CATSPERB: variants seen among roughly 807,000 people sequenced by gnomAD.
The protein encoded by CATSPERB is catsper channel auxiliary subunit beta.
Under a neutral mutation model 128.3 loss-of-function variants are expected in CATSPERB, and 93 were observed. That is an observed-to-expected ratio of 0.72 (90% CI 0.61 to 0.86). CATSPERB has a LOEUF of 0.86. Among genes scored for constraint, CATSPERB ranks in the 40% least tolerant of loss-of-function variants. The pLI, the probability that CATSPERB is intolerant of heterozygous loss-of-function variation, is 0.00. For missense variants in CATSPERB, 1,153 were observed against 1,329.5 expected (o/e 0.87, Z 2.06); for synonymous variants, 381 against 448.8 (o/e 0.85, Z 1.91).
Position 91,708,190 on chromosome 14 carries a change from A to G in CATSPERB, c.417T>C (p.His139=), listed in dbSNP as rs1895768400. Residue 139 remains histidine, a synonymous_variant, in exon 6 of 27, where the codon CAT becomes CAC. Transcript: ENST00000256343. The part of the protein sequence containing the change: ...EEWLVRITLH[H]GLNIYATEGT... ...CTTCAGTAGCATAAATATTTAGTCC[A>G]TGATGTAAAGTGATTCTTACTAACC... is the stretch of plus-strand genomic sequence containing the variant. 1.2e-6 allele frequency: 2 copies of G among 1,612,196 alleles called. No individual in the cohort carries two copies. Among genetic ancestry groups the G allele is most frequent in the South Asian group, 2.2e-5 (2 of 90,766 alleles).
intron 22 of CATSPERB, among the ~76,000 whole-genome samples, chr14:91,600,171 T>A (rs1256253301): frequency 6.6e-6 from 1 of 152,234 alleles, no homozygotes; most frequent in Non-Finnish European, 1.5e-5. Context: ...TATGTTTAAC[T>A]TTTTGAAGAA....
In CATSPERB at chr14:91,704,542, G is replaced by A; in HGVS notation, c.616+10C>T. 6.2e-7 allele frequency: 1 copy of A among 1,607,544 alleles called. No homozygotes were observed. Among genetic ancestry groups the A allele is most frequent in the Non-Finnish European group, 8.5e-7 (1 of 1,177,510 alleles). On this transcript the variant is annotated intron_variant, in intron 7 of 26. Coordinates refer to ENST00000256343, the MANE Select transcript of CATSPERB (RefSeq NM_024764.4). ...GCCAATGTCAACATTTAATGAAGCT[G>A]TAGACCTACCATCAACTATTGTATC...
intron 17 of CATSPERB, among the ~76,000 whole-genome samples, chr14:91,626,502 T>C (rs1055844181): frequency 1.2e-4 from 18 of 151,626 alleles, no homozygotes; most frequent in African/African-American, 4.3e-4. Context: ...CCCTCACGAA[T>C]GGATGAATGC....
At chr14:91,730,208 G>A (rs1409810318) in intron 1 of CATSPERB, among the ~76,000 whole-genome samples, 1 of 152,148 alleles carries the variant, frequency 6.6e-6, no homozygotes, top group Non-Finnish European at 1.5e-5. Context: ...ATTAGGGTGG[G>A]CCCTCATCCA....
chr14:91,674,522 T>C (rs561253215), intron 11 of CATSPERB, among the ~76,000 whole-genome samples: 1 of 152,360 alleles, frequency 6.6e-6, no homozygotes, highest in South Asian at 2.1e-4. Flanking sequence ...GTTCTAGTTT[T>C]ATTTTATGTC....
intron 14 of CATSPERB, among the ~76,000 whole-genome samples, chr14:91,668,744 C>A (rs549661704): frequency 7.2e-5 from 11 of 152,226 alleles, no homozygotes; most frequent in Admixed American, 6.5e-4. Context: ...GGACGTGCCA[C>A]CTTTAAGAGC....
At chr14:91,714,277 C>CAAAAAAAAAAAAAAAAG (rs35951126) in intron 5 of CATSPERB, among the ~76,000 whole-genome samples, 2 of 111,296 alleles carry the variant, frequency 1.8e-5, no homozygotes, top group African/African-American at 3.6e-5. Context: ...TACAATAAGG[C>CAAAAAAAAAAAAAAAAG]AAAAAAAAAA....
rs80132361 is a variant in CATSPERB at position 91,693,982 on chromosome 14, T to C, written c.617-503A>G. ...TATCTGCCATTAGTTCCCCTATATA[T>C]TTTCTAGTCACAACTTCCTTACAGC... On this transcript the variant is annotated intron_variant, in intron 7 of 26. Coordinates refer to ENST00000256343, the MANE Select transcript of CATSPERB (RefSeq NM_024764.4). 9.3e-3 allele frequency among the ~76,000 whole-genome samples: 1,416 copies of C among 152,294 alleles called. 22 individuals carry two copies. Among genetic ancestry groups the C allele is most frequent in the African/African-American group, 0.032 (1,325 of 41,554 alleles).
intron 22 of CATSPERB, among the ~76,000 whole-genome samples, chr14:91,598,857 C>A (rs201315213): frequency 1.9e-3 from 208 of 109,978 alleles, no homozygotes; most frequent in East Asian, 7.2e-3. Context: ...GACTCTGTCT[C>A]AAAAAAAAAA....
At chr14:91,650,607 T>C (rs967869714) in intron 15 of CATSPERB, among the ~76,000 whole-genome samples, 2 of 152,192 alleles carry the variant, frequency 1.3e-5, no homozygotes, top group African/African-American at 4.8e-5. Flanking sequence ...CTGCTTTTAG[T>C]GTTGGTTTGT....
intron 21 of CATSPERB, among the ~76,000 whole-genome samples, chr14:91,608,804 A>C (rs1285079228): frequency 2.0e-5 from 3 of 152,214 alleles, no homozygotes; most frequent in African/African-American, 7.2e-5. Context: ...AATTCTGACA[A>C]GGCAAAAGTT....
At chr14:91,715,754 C>T (rs1895927723) in intron 5 of CATSPERB, among the ~76,000 whole-genome samples, 1 of 151,972 alleles carries the variant, frequency 6.6e-6, no homozygotes, top group Non-Finnish European at 1.5e-5. Context: ...ACTAACATGG[C>T]TTACAAGACC....
At chr14:91,613,996 C>T (rs981564738) in intron 20 of CATSPERB, among the ~76,000 whole-genome samples, 2 of 152,138 alleles carry the variant, frequency 1.3e-5, no homozygotes, top group South Asian at 2.1e-4. Context: ...GTTTCACTAA[C>T]GCTAGTTGGA....
At chr14:91,653,910 T>G (rs1264187151) in intron 15 of CATSPERB, among the ~76,000 whole-genome samples, 1 of 152,064 alleles carries the variant, frequency 6.6e-6, no homozygotes, top group Non-Finnish European at 1.5e-5. Context: ...GTTGAGAAAA[T>G]GGGTCCAAGT....
intron 22 of CATSPERB, among the ~76,000 whole-genome samples, chr14:91,596,285 G>C (rs1893504322): frequency 6.6e-6 from 1 of 151,858 alleles, no homozygotes; most frequent in Admixed American, 6.6e-5. Flanking sequence ...CTCACTACAA[G>C]CTCCGCCTCC....
chr14:91,708,014 T>A, intron 6 of CATSPERB, 127 bp downstream of exon 6: 1 of 677,296 alleles, frequency 1.5e-6, no homozygotes, highest in Non-Finnish European at 2.6e-6. Context: ...AGGGTCATGA[T>A]TATCTCCTAT....
At chr14:91,683,590 C>CG (rs1895323311) in intron 11 of CATSPERB, among the ~76,000 whole-genome samples, 1 of 151,798 alleles carries the variant, frequency 6.6e-6, no homozygotes, top group South Asian at 2.1e-4. Flanking sequence ...CTGTGAAATT[C>CG]CAGAGATTAC....
intron 17 of CATSPERB, among the ~76,000 whole-genome samples, chr14:91,632,024 A>G (rs1894287071): frequency 6.6e-6 from 1 of 152,192 alleles, no homozygotes; most frequent in South Asian, 2.1e-4. Context: ...AAGGTAAGCA[A>G]GAAGAGAAGA....
intron 15 of CATSPERB, among the ~76,000 whole-genome samples, chr14:91,648,778 ACTTTAG>A (rs1440871309): frequency 6.6e-6 from 1 of 151,726 alleles, no homozygotes; most frequent in African/African-American, 2.4e-5. Context: ...TTTTCTCTCC[ACTTTAG>A]CTTTAAGTTT....
Sources: allele counts gnomAD v4.1 joint callset (sites outside exome capture counted in the v4.1 genomes callset), GRCh38; gene constraint gnomAD v4.1.1; transcripts MANE v1.5; gene names NCBI Gene and HGNC (gene_info 2026-07-23, HGNC 2026-07-21).